LRP1B: variants seen among roughly 807,000 people sequenced by gnomAD.
LRP1B encodes low-density lipoprotein receptor-related protein 1B.
LRP1B carries 217 observed loss-of-function variants against 556.6 expected under a neutral mutation model. The observed-to-expected ratio is 0.39, with a 90% CI of 0.35 to 0.44. The LOEUF (loss-of-function observed/expected upper bound fraction) is 0.44. Among genes scored for constraint, LRP1B ranks in the 20% least tolerant of loss-of-function variants. LRP1B has a pLI of 1.00. For missense variants in LRP1B, 5,053 were observed against 5,620.8 expected, an observed-to-expected ratio of 0.90 and a Z score of 3.23; for synonymous variants, 2,047 against 1,865.8, an observed-to-expected ratio of 1.10 and a Z score of -2.50.
intron 35 of LRP1B, among the ~76,000 whole-genome samples, chr2:140,742,235 T>C (rs2104869696): frequency 6.6e-6 from 1 of 152,196 alleles, no homozygotes; most frequent in South Asian, 2.1e-4. Flanking sequence ...AGGCACAGGG[T>C]GGGTGAGAAA....
intron 37 of LRP1B, among the ~76,000 whole-genome samples, 193 bp from the exon 38 acceptor site, chr2:140,702,746 C>G (rs567370302): frequency 6.6e-6 from 1 of 152,172 alleles, no homozygotes; most frequent in East Asian, 1.9e-4. Flanking sequence ...GTTAACCAGT[C>G]ATACAAATCA....
intron 2 of LRP1B, among the ~76,000 whole-genome samples, chr2:141,800,394 G>C (rs1402439323): frequency 6.6e-6 from 1 of 152,186 alleles, no homozygotes; most frequent in Non-Finnish European, 1.5e-5. Context: ...CCCTGTAAAA[G>C]GGGACCATGA....
At chr2:142,001,031 G>T (rs1574579938) in intron 1 of LRP1B, among the ~76,000 whole-genome samples, 1 of 152,244 alleles carries the variant, frequency 6.6e-6, no homozygotes, top group Non-Finnish European at 1.5e-5. Context: ...CATGAAATCT[G>T]ATGGTTTTAT....
intron 6 of LRP1B, among the ~76,000 whole-genome samples, chr2:141,191,908 A>G (rs1681529899): frequency 1.3e-5 from 2 of 151,924 alleles, no homozygotes; most frequent in African/African-American, 4.8e-5. Context: ...CTGGGCATGC[A>G]GTTGCTTTAG....
chr2:140,851,622 T>C (rs747908917), intron 28 of LRP1B, 30 bp downstream of exon 28: 1 of 1,592,340 alleles, frequency 6.3e-7, no homozygotes, highest in Non-Finnish European at 8.5e-7. Flanking sequence ...ATTTTGTTTT[T>C]ATTTTCGATT....
chr2:140,531,744 A>G (rs1387892798), intron 47 of LRP1B, among the ~76,000 whole-genome samples: 1 of 151,966 alleles, frequency 6.6e-6, no homozygotes, highest in Non-Finnish European at 1.5e-5. Flanking sequence ...CTACTGTTCC[A>G]CTGAACTGAC....
At position 141,962,200 on chromosome 2, in the gene LRP1B, C is replaced by A. The variant is rs183792959; in HGVS notation, c.83-151799G>T. Among the ~76,000 whole-genome samples the A allele has an allele frequency of 7.2e-5, 11 of 151,748 alleles. No individual in the cohort carries two copies. In the East Asian group the frequency reaches 1.4e-3, roughly 19 times the overall value. ...AAATTAATAGTTCACTCTGAAGTAA[C>A]AAGGATATTCATCTATCTTCATTCA... On this transcript the variant is annotated intron_variant, in intron 1 of 90. Transcript: ENST00000389484.
chr2:141,413,953 G>A (rs1690963235), intron 3 of LRP1B, among the ~76,000 whole-genome samples: 1 of 151,728 alleles, frequency 6.6e-6, no homozygotes, highest in Non-Finnish European at 1.5e-5. Context: ...GAAAGAGGCT[G>A]GGCGCAGTGG....
intron 1 of LRP1B, among the ~76,000 whole-genome samples, chr2:142,104,801 A>G (rs890263532): frequency 1.3e-5 from 2 of 152,142 alleles, no homozygotes; most frequent in Non-Finnish European, 2.9e-5. Context: ...CGAGCAGTAA[A>G]CAACTCATGT....
intron 86 of LRP1B, among the ~76,000 whole-genome samples, chr2:140,261,602 C>A (rs549362915): frequency 5.7e-4 from 87 of 151,758 alleles, no homozygotes; most frequent in African/African-American, 1.4e-3. Context: ...CGTTGAATAA[C>A]CAACGGTGTT....
At chr2:140,481,578 T>TTTATTA (rs539100695) in intron 59 of LRP1B, among the ~76,000 whole-genome samples, 12,715 of 136,946 alleles carry the variant, frequency 0.093, 659 homozygotes, top group East Asian at 0.19. Context: ...GGTAGCCATC[T>TTTATTA]TTATTATTAT....
intron 90 of LRP1B, 145 bp downstream of exon 90, chr2:140,234,639 CAT>C: frequency 1.7e-6 from 1 of 577,630 alleles, no homozygotes; most frequent in East Asian, 2.8e-5. Flanking sequence ...GGACACATAA[CAT>C]AAGCCCCCAA....
chr2:140,385,820 G>T, intron 67 of LRP1B, 73 bp downstream of exon 67: 3 of 967,364 alleles, frequency 3.1e-6, no homozygotes, highest in African/African-American at 1.6e-5. Context: ...TACCTTAACA[G>T]AACTAAAAAT....
At chr2:140,798,026 C>G (rs777311131) in intron 32 of LRP1B, among the ~76,000 whole-genome samples, 2 of 152,058 alleles carry the variant, frequency 1.3e-5, no homozygotes, top group Non-Finnish European at 2.9e-5. Context: ...CCTCCTAACC[C>G]AACTCTACAC....
intron 83 of LRP1B, among the ~76,000 whole-genome samples, chr2:140,309,189 A>G (rs1684191071): frequency 6.6e-6 from 1 of 151,854 alleles, no homozygotes; most frequent in African/African-American, 2.4e-5. Context: ...GGTTTTCTTA[A>G]GCATAAAAAA....
intron 7 of LRP1B, among the ~76,000 whole-genome samples, chr2:141,102,450 C>A (rs551330984): frequency 6.6e-6 from 1 of 151,992 alleles, no homozygotes; most frequent in Non-Finnish European, 1.5e-5. Context: ...ATTATTGCAG[C>A]GACAAACATA....
At chr2:140,979,729 C>T (rs1696712254) in intron 18 of LRP1B, among the ~76,000 whole-genome samples, 2 of 152,148 alleles carry the variant, frequency 1.3e-5, no homozygotes. Context: ...GCATTATCTG[C>T]ACCCCATGCA....
At chr2:141,835,819 C>CAG (rs1199284398) in intron 1 of LRP1B, among the ~76,000 whole-genome samples, 2 of 151,646 alleles carry the variant, frequency 1.3e-5, no homozygotes, top group Non-Finnish European at 2.9e-5. Context: ...CACACACACA[C>CAG]AGACATATAT....
Position 140,291,233 on chromosome 2 carries a change from TCTC to T in LRP1B, c.12967+6572_12967+6574del, listed in dbSNP as rs1683358210. ...GCTGTTCCCCCTTGCTGCTTACTCT[TCTC>T]ATCTCTTGGCTTCTTGATTTCTTCT... On this transcript the variant is annotated intron_variant, in intron 84 of 90. Transcript: ENST00000389484. Among the ~76,000 whole-genome samples the T allele has an allele frequency of 2.0e-5, 3 of 147,000 alleles. No individual in the cohort carries two copies. The South Asian group carries it at 6.6e-4, about 32-fold the overall frequency.
Sources: gnomAD v4.1 joint callset for allele counts (sites outside exome capture counted in the v4.1 genomes callset) on GRCh38, gnomAD v4.1.1 for gene constraint, MANE v1.5 for transcripts, NCBI Gene and HGNC (gene_info 2026-07-23, HGNC 2026-07-21) for gene names.